The following ASH1L variants were observed in gnomAD, a reference collection of about 807,000 sequenced individuals.
ASH1L encodes the protein histone-lysine N-methyltransferase ASH1L.
ASH1L carries 23 observed loss-of-function variants against 269.0 expected under a neutral mutation model. That is an observed-to-expected ratio of 0.09 (90% CI 0.06 to 0.12). The LOEUF (loss-of-function observed/expected upper bound fraction) is 0.12. ASH1L is among the 10% of genes least tolerant of loss of function. The pLI, the probability that ASH1L is intolerant of heterozygous loss-of-function variation, is 1.00. For missense variants in ASH1L, 2,912 were observed against 3,567.8 expected, an observed-to-expected ratio of 0.82 and a Z score of 4.68; for synonymous variants, 1,187 against 1,253.5, an observed-to-expected ratio of 0.95 and a Z score of 1.12.
chr1:155,365,034 ATTCTTTCTTGTG>A (rs752950362), intron 12 of ASH1L, among the ~76,000 whole-genome samples: 10 of 151,920 alleles, frequency 6.6e-5, no homozygotes, highest in Non-Finnish European at 7.4e-5. Context: ...CTCACCTTGA[ATTCTTTCTTGTG>A]TTCTTTCTTG....
intron 2 of ASH1L, among the ~76,000 whole-genome samples, chr1:155,502,785 A>G (rs1024202827): frequency 6.6e-5 from 10 of 152,080 alleles, no homozygotes; most frequent in South Asian, 4.2e-4. Context: ...AAACTTTTTT[A>G]TCCTTTTTGC....
chr1:155,473,634 C>G (rs374836276), intron 3 of ASH1L, among the ~76,000 whole-genome samples: 6 of 151,758 alleles, frequency 4.0e-5, no homozygotes, highest in African/African-American at 1.5e-4. Context: ...GTAGCCAGGA[C>G]TACAGGCGTA....
intron 5 of ASH1L, among the ~76,000 whole-genome samples, chr1:155,417,179 C>T (rs1018160393): frequency 6.6e-6 from 1 of 151,252 alleles, no homozygotes; most frequent in Non-Finnish European, 1.5e-5. Flanking sequence ...AGGTGATCTG[C>T]CCACCTCAGC....
chr1:155,387,725 G>A (rs974408105), intron 7 of ASH1L, among the ~76,000 whole-genome samples: 2 of 151,974 alleles, frequency 1.3e-5, no homozygotes, highest in African/African-American at 4.8e-5. Flanking sequence ...AAATTGCTTT[G>A]GGCAATATGG....
At chr1:155,549,579 C>T (rs201333428) in intron 1 of ASH1L, among the ~76,000 whole-genome samples, 8 of 147,772 alleles carry the variant, frequency 5.4e-5, no homozygotes, top group South Asian at 4.2e-4. Context: ...GAGCCGAGAT[C>T]GTGCCATTGC....
chr1:155,337,903 T>C (rs1652446097), intron 27 of ASH1L, 152 bp from the exon 28 acceptor site: 2 of 1,016,986 alleles, frequency 2.0e-6, no homozygotes, highest in Non-Finnish European at 2.9e-6. Context: ...AAAAAGGTGG[T>C]TCTTTAGAGG....
intron 4 of ASH1L, among the ~76,000 whole-genome samples, chr1:155,452,214 T>C (rs1336442642): frequency 6.6e-6 from 1 of 151,700 alleles, no homozygotes; most frequent in Non-Finnish European, 1.5e-5. Flanking sequence ...AGTTTTTGTA[T>C]TTTTAGTAGA....
rs200202937 is a variant in ASH1L at position 155,521,403 on chromosome 1, T to C, written c.117A>G (p.Leu39=). The C allele has an allele frequency of 1.9e-6, 3 of 1,614,182 alleles. No homozygotes were observed. The highest frequency in any genetic ancestry group is 2.2e-5 in the East Asian group (1 of 44,882). Residue 39 remains leucine, a synonymous_variant, in exon 2 of 28, where the codon CTA becomes CTG. Coordinates refer to ENST00000392403, the MANE Select transcript of ASH1L (RefSeq NM_018489.3). The part of the protein sequence containing the change: ...GTLVSKREVE[L]EKNTKEEEDL... Reference sequence around the variant, plus strand: ...CCTCTTCCTCCTTTGTGTTTTTTTCTAGCTCTACTTCTCTCTTACTGACCA... The same window carrying C: ...CCTCTTCCTCCTTTGTGTTTTTTTCCAGCTCTACTTCTCTCTTACTGACCA...
At chr1:155,351,283 C>T (rs1361128740) in intron 17 of ASH1L, among the ~76,000 whole-genome samples, 5 of 151,064 alleles carry the variant, frequency 3.3e-5, no homozygotes, top group African/African-American at 1.2e-4. Flanking sequence ...GGCACAGTGG[C>T]TCACGCCTGT....
At chr1:155,562,866 A>G, upstream of ASH1L, 1 of 232,812 alleles carries the variant, frequency 4.3e-6, no homozygotes. Context: ...CACGGCCACC[A>G]ACCGCCGCCA....
In ASH1L at chr1:155,480,817, C is replaced by T; in HGVS notation, c.2053G>A (p.Gly685Ser). Residue 685 changes from glycine (G) to serine (S), a missense_variant, in exon 3 of 28, where the codon GGT becomes AGT. Transcript: ENST00000392403. ...LFSNKPFLKL[G>S]AVSASDKHCQ... ...TGTTTGTCTGATGCAGATACTGCACCCAGTTTTAAAAAAGGCTTATTACTA... is the reference window on the plus strand; with the variant it reads ...TGTTTGTCTGATGCAGATACTGCACTCAGTTTTAAAAAAGGCTTATTACTA... The T allele has an allele frequency of 6.2e-7, 1 of 1,613,560 alleles. No individual in the cohort carries two copies. The highest frequency in any genetic ancestry group is 8.5e-7 in the Non-Finnish European group (1 of 1,179,886).
chr1:155,491,963 G>A (rs1452754626), intron 2 of ASH1L, among the ~76,000 whole-genome samples: 4 of 143,168 alleles, frequency 2.8e-5, no homozygotes, highest in Non-Finnish European at 4.6e-5. Flanking sequence ...GTGAGTCACC[G>A]TACCCAGCTC....
chr1:155,466,763 C>T (rs933511425), intron 3 of ASH1L, among the ~76,000 whole-genome samples: 4 of 152,146 alleles, frequency 2.6e-5, no homozygotes, highest in African/African-American at 9.7e-5. Context: ...GTGCTGTCAC[C>T]TATAGTCACC....
chr1:155,552,600 C>G (rs1303357296), intron 1 of ASH1L, among the ~76,000 whole-genome samples: 1 of 152,088 alleles, frequency 6.6e-6, no homozygotes, highest in Non-Finnish European at 1.5e-5. Context: ...GAGCCGAGAT[C>G]GCACCACTGC....
intron 1 of ASH1L, among the ~76,000 whole-genome samples, chr1:155,521,891 TAC>T (rs1668910214): frequency 6.6e-6 from 1 of 152,328 alleles, no homozygotes; most frequent in Non-Finnish European, 1.5e-5. Flanking sequence ...TTCTGAAACT[TAC>T]AGTCAAGCAA....
intron 5 of ASH1L, among the ~76,000 whole-genome samples, chr1:155,417,872 C>T (rs186109709): frequency 3.2e-4 from 48 of 151,860 alleles, no homozygotes; most frequent in African/African-American, 1.1e-3. Context: ...GCAGGGGAAT[C>T]GCTTGAACCT....
chr1:155,480,785 T>C lies in ASH1L; in HGVS notation c.2085A>G (p.Gln695=), dbSNP rs1483360409. The stretch of plus-strand genomic sequence containing the variant: ...AACTAGTACTTAGGCTTTCAGCAAC[T>C]TGGCAGTGTTTGTCTGATGCAGATA... ...GAVSASDKHC[Q]VAESLSTSLQ... is the part of the protein sequence containing the mutation. Residue 695 remains glutamine (Q), a synonymous_variant, in exon 3 of 28, where the codon CAA becomes CAG. Coordinates refer to ENST00000392403, the MANE Select transcript of ASH1L (RefSeq NM_018489.3). The C allele has an allele frequency of 6.2e-7, 1 of 1,614,008 alleles. No individual in the cohort carries two copies. The highest frequency in any genetic ancestry group is 1.1e-5 in the South Asian group (1 of 91,072).
At chr1:155,529,041 T>G (rs112002903) in intron 1 of ASH1L, among the ~76,000 whole-genome samples, 7 of 152,330 alleles carry the variant, frequency 4.6e-5, no homozygotes, top group South Asian at 4.1e-4. Flanking sequence ...CATTTTTTTT[T>G]TGTGGCTCCA....
At chr1:155,413,618 C>A (rs1223099428) in intron 6 of ASH1L, among the ~76,000 whole-genome samples, 1 of 152,072 alleles carries the variant, frequency 6.6e-6, no homozygotes, top group Non-Finnish European at 1.5e-5. Context: ...AACAAACAAA[C>A]AAACCAGAAA....
Sources: gnomAD v4.1 joint callset for allele counts (sites outside exome capture counted in the v4.1 genomes callset) on GRCh38, gnomAD v4.1.1 for gene constraint, MANE v1.5 for transcripts, NCBI Gene and HGNC (gene_info 2026-07-23, HGNC 2026-07-21) for gene names.